The following BRD1 variants were observed in gnomAD, a reference collection of about 807,000 sequenced individuals.
BRD1 encodes bromodomain-containing protein 1.
In BRD1, 24 loss-of-function variants were observed where a neutral mutation model predicts 107.7. The observed-to-expected ratio is 0.22, with a 90% CI of 0.16 to 0.31. The LOEUF is 0.31. BRD1 is among the 10% of genes least tolerant of loss of function. The probability of loss-of-function intolerance (pLI) is 1.00; values close to 1 mark genes in which losing one functional copy is unlikely to be tolerated. For missense variants in BRD1, 1,279 were observed against 1,638.6 expected, an observed-to-expected ratio of 0.78 and a Z score of 3.79; for synonymous variants, 744 against 686.1, an observed-to-expected ratio of 1.08 and a Z score of -1.32.
chr22:49,782,747 G>A (rs962225518), intron 8 of BRD1, among the ~76,000 whole-genome samples: 4 of 125,060 alleles, frequency 3.2e-5, no homozygotes, highest in East Asian at 2.5e-4. Flanking sequence ...TGACAATGCC[G>A]CTGGGGACAG....
rs553573554 is a variant in BRD1 at position 49,816,527 on chromosome 22, A to G, written c.1367+6424T>C. ...CTCAAGGGAGACAACGCCTCCCGAC[A>G]GTGACCCCAGAAAAAGTTCCAGAAT... On this transcript the variant is annotated intron_variant, in intron 2 of 12. Transcript: ENST00000404760. 9.3e-3 allele frequency among the ~76,000 whole-genome samples: 1,419 copies of G among 152,316 alleles called. 14 individuals are homozygous for G. The highest frequency in any genetic ancestry group is 0.064 in the South Asian group (308 of 4,824).
chr22:49,810,460 G>A (rs535201114), intron 2 of BRD1, among the ~76,000 whole-genome samples: 2 of 152,320 alleles, frequency 1.3e-5, no homozygotes, highest in East Asian at 3.9e-4. Context: ...ACAAGCAACC[G>A]AAGAGAAAGC....
In BRD1 at chr22:49,816,469, G is replaced by A. The variant is rs368628652; in HGVS notation, c.1367+6482C>T. Among the ~76,000 whole-genome samples the A allele has an allele frequency of 3.3e-5, 5 of 152,306 alleles. No homozygotes were observed. In the South Asian group the frequency reaches 6.2e-4, roughly 19 times the overall value. ...GCTTCCCCACCCTCTGAGGACGGCTGTGCAGGTCAACAGCCTGGGGCTGCA... is the reference window on the plus strand; with the variant it reads ...GCTTCCCCACCCTCTGAGGACGGCTATGCAGGTCAACAGCCTGGGGCTGCA... On this transcript the variant is annotated intron_variant, in intron 2 of 12. Transcript: ENST00000404760.
At chr22:49,822,651 A>T (rs896382492) in intron 2 of BRD1, among the ~76,000 whole-genome samples, 7 of 152,106 alleles carry the variant, frequency 4.6e-5, no homozygotes, top group African/African-American at 1.7e-4. Flanking sequence ...CGGGGGTTGC[A>T]GTGAGCTGAG....
chr22:49,810,742 C>A (rs923855170), intron 2 of BRD1, among the ~76,000 whole-genome samples: 1 of 152,180 alleles, frequency 6.6e-6, no homozygotes, highest in Non-Finnish European at 1.5e-5. Context: ...CAAAGCAAAA[C>A]CCCCGAGCGA....
chr22:49,782,278 C>T (rs1366915641), intron 8 of BRD1, among the ~76,000 whole-genome samples: 1 of 145,236 alleles, frequency 6.9e-6, no homozygotes, highest in Non-Finnish European at 1.5e-5. Context: ...AGGCCCAGGC[C>T]AGACGCCTGC....
chr22:49,774,927 C>T (rs999271718), intron 12 of BRD1, among the ~76,000 whole-genome samples: 5 of 152,224 alleles, frequency 3.3e-5, no homozygotes, highest in Admixed American at 1.3e-4. Flanking sequence ...CAGGTGGCCC[C>T]GAGCCCCTGC....
intron 2 of BRD1, 112 bp downstream of exon 2, chr22:49,822,839 G>T: frequency 7.8e-7 from 1 of 1,280,258 alleles, no homozygotes; most frequent in Non-Finnish European, 1.1e-6. Context: ...AGGAAGCTGC[G>T]CCAACTAGAA....
Position 49,792,306 on chromosome 22 carries a change from G to C in BRD1, c.2359+1728C>G, listed in dbSNP as rs533852481. Among the ~76,000 whole-genome samples, 1 of 152,236 alleles carries C rather than the reference G, an allele frequency of 6.6e-6. No homozygotes were observed. The highest frequency in any genetic ancestry group is 1.5e-5 in the Non-Finnish European group (1 of 68,044). On this transcript the variant is annotated intron_variant, in intron 7 of 12. Transcript: ENST00000404760. The surrounding 1 kb of genome is among the most constrained non-coding windows in gnomAD (Gnocchi z 4.2). The stretch of plus-strand genomic sequence containing the variant: ...CTGCTGGCAACCTCCTCACAGCTCA[G>C]TCCTCAGGGCACAGAAGACAAGGAC...
At chr22:49,815,538 A>G (rs1327311120) in intron 2 of BRD1, among the ~76,000 whole-genome samples, 2 of 143,034 alleles carry the variant, frequency 1.4e-5, no homozygotes, top group African/African-American at 6.0e-5. Context: ...GCAAGACTCC[A>G]TCTCAAAAAG....
intron 2 of BRD1, among the ~76,000 whole-genome samples, chr22:49,807,785 T>C (rs2059772947): frequency 6.6e-6 from 1 of 152,126 alleles, no homozygotes; most frequent in Non-Finnish European, 1.5e-5. Context: ...AATGTGTGCA[T>C]TAAAAGACAC....
intron 8 of BRD1, among the ~76,000 whole-genome samples, chr22:49,782,647 C>T (rs1197109997): frequency 1.3e-5 from 2 of 148,972 alleles, no homozygotes; most frequent in African/African-American, 5.0e-5. Context: ...GAGACCTGCT[C>T]TTGCTGGGAC....
chr22:49,803,732 C>A lies in BRD1; in HGVS notation c.1524+472G>T, dbSNP rs940958890. 6.6e-6 allele frequency among the ~76,000 whole-genome samples: 1 copy of A among 152,170 alleles called. No homozygotes were observed. Among genetic ancestry groups the A allele is most frequent in the Non-Finnish European group, 1.5e-5 (1 of 68,026 alleles). On this transcript the variant is annotated intron_variant, in intron 3 of 12. Coordinates refer to ENST00000404760, the MANE Select transcript of BRD1 (RefSeq NM_001304808.3). This position sits in a 1 kb window ranked among gnomAD's most constrained non-coding sequence, Gnocchi z 4.4. ...GTCCCAGCTAAACCAACCTTCAGAG[C>A]AAGGCCCTCGAAATAAACCACTCCT...
rs55949613 is a variant in BRD1, at chr22:49,792,514, C to T, written c.2359+1520G>A. 6.6e-6 allele frequency among the ~76,000 whole-genome samples: 1 copy of T among 152,224 alleles called. No homozygotes were observed. The highest frequency in any genetic ancestry group is 2.4e-5 in the African/African-American group (1 of 41,456). On this transcript the variant is annotated intron_variant, in intron 7 of 12. Coordinates refer to ENST00000404760, the MANE Select transcript of BRD1 (RefSeq NM_001304808.3). The surrounding 1 kb of genome is among the most constrained non-coding windows in gnomAD (Gnocchi z 4.2). ...AGGCAAACGTTCCTCAGAAAAAACA[C>T]GAGGCCCCCAAAGCAGAGGAGGGAT...
In BRD1 at chr22:49,824,387, A is replaced by C. The variant is rs2147437159; in HGVS notation, c.-14-56T>G. The C allele has an allele frequency of 6.3e-7, 1 of 1,577,892 alleles. No individual in the cohort carries two copies. The highest frequency in any genetic ancestry group is 8.6e-7 in the Non-Finnish European group (1 of 1,163,874). ...TACGCAGGGTGACCAAAGACTCGAGAAAACCACAAAAGCATGCTTGGACAG... is the reference window on the plus strand; with the variant it reads ...TACGCAGGGTGACCAAAGACTCGAGCAAACCACAAAAGCATGCTTGGACAG... On this transcript the variant is annotated intron_variant, in intron 1 of 12. Transcript: ENST00000404760. The surrounding 1 kb of genome is among the most constrained non-coding windows in gnomAD (Gnocchi z 5.9).
At chr22:49,782,604 G>A (rs1346946279) in intron 8 of BRD1, among the ~76,000 whole-genome samples, 2 of 146,904 alleles carry the variant, frequency 1.4e-5, no homozygotes, top group African/African-American at 2.5e-5. Flanking sequence ...GATGGTCAGA[G>A]ACAGAACCAA....
intron 10 of BRD1, 117 bp downstream of exon 10, chr22:49,776,917 T>C: frequency 1.4e-6 from 2 of 1,455,548 alleles, no homozygotes; most frequent in South Asian, 2.5e-5. Context: ...TTGGCCAGGG[T>C]GGGGCTCCAC....
chr22:49,798,861 G>A, intron 4 of BRD1, 127 bp downstream of exon 4: 2 of 1,448,768 alleles, frequency 1.4e-6, no homozygotes, highest in South Asian at 1.4e-5. Flanking sequence ...ACCCAGCCTG[G>A]GCTGAGCAAG....
intron 2 of BRD1, 35 bp from the exon 3 acceptor site, chr22:49,804,395 G>A (rs1601691416): frequency 6.4e-7 from 1 of 1,562,318 alleles, no homozygotes; most frequent in Non-Finnish European, 8.7e-7. Flanking sequence ...CTTTGAAGCA[G>A]TACATTAAGA....
Sources: gnomAD v4.1 joint callset for allele counts (sites outside exome capture counted in the v4.1 genomes callset) on GRCh38, gnomAD v4.1.1 for gene constraint, Gnocchi (gnomAD v3.1) non-coding constraint, MANE v1.5 for transcripts, NCBI Gene and HGNC (gene_info 2026-07-23, HGNC 2026-07-21) for gene names.